The following FADS3 variants were observed in gnomAD, a reference collection of about 807,000 sequenced individuals.
FADS3 encodes fatty acid desaturase 3.
Under a neutral mutation model 60.4 loss-of-function variants are expected in FADS3, and 30 were observed. That is an observed-to-expected ratio of 0.50 (90% confidence interval 0.37 to 0.67). FADS3 has a LOEUF of 0.67. Ranked by LOEUF, FADS3 falls within the 30% of genes least tolerant of loss-of-function variation. FADS3 has a pLI of 0.00. For synonymous variants in FADS3, 234 were observed against 249.3 expected (o/e 0.94, Z 0.58); for missense variants, 432 against 598.3 (o/e 0.72, Z 2.90).
intron 11 of FADS3, 76 bp downstream of exon 11, chr11:61,875,775 T>A: frequency 6.4e-7 from 1 of 1,553,596 alleles, no homozygotes; most frequent in African/African-American, 1.4e-5. Flanking sequence ...GGGCTCAGCA[T>A]GAGGCTGACC....
At position 61,877,961 on chromosome 11, in the gene FADS3, C is replaced by G; in HGVS notation, c.808+194G>C. ...CCGTGGCTGCAAGGTGTCCCAGGCA[C>G]GGGAGACAGCTGGGGCAAAGGCATG... On this transcript the variant is annotated intron_variant, in intron 6 of 11. Transcript: ENST00000278829. The surrounding 1 kb of genome is among the most constrained non-coding windows in gnomAD (Gnocchi z 4.7). 1.6e-6 allele frequency: 1 copy of G among 625,940 alleles called. No homozygotes were observed. The allele number at this position is 625,940 out of a possible 1,614,324, so 38.8% of individuals were successfully genotyped here.
Position 61,877,825 on chromosome 11 carries a change from CT to C in FADS3, c.809-239del. 1.7e-6 allele frequency: 1 copy of C among 596,820 alleles called. No individual in the cohort carries two copies. The highest frequency in any genetic ancestry group is 3.0e-6 in the Non-Finnish European group (1 of 334,338). The allele number at this position is 596,820 out of a possible 1,614,324, so 37.0% of individuals were successfully genotyped here. On this transcript the variant is annotated intron_variant, in intron 6 of 11. Transcript: ENST00000278829. This position sits in a 1 kb window ranked among gnomAD's most constrained non-coding sequence, Gnocchi z 4.7. ...TCAGGGCCAGACTTGAGTCCTCACT[CT>C]GTCCGCCCCAACAACTGCCCAAAGA... is the stretch of plus-strand genomic sequence containing the variant.
chr11:61,888,664 G>A (rs904869809), intron 1 of FADS3, among the ~76,000 whole-genome samples: 1 of 152,158 alleles, frequency 6.6e-6, no homozygotes, highest in Non-Finnish European at 1.5e-5. Context: ...TGCAGGGCAC[G>A]CTCACACTTA....
At chr11:61,891,127 G>A (rs1938492945) in intron 1 of FADS3, 42 bp downstream of exon 1, 1 of 1,512,706 alleles carries the variant, frequency 6.6e-7, no homozygotes, top group Non-Finnish European at 9.0e-7. Flanking sequence ...CCGAGCTCCA[G>A]GCTCCACCCG....
intron 1 of FADS3, among the ~76,000 whole-genome samples, chr11:61,890,025 A>G (rs1938444120): frequency 6.6e-6 from 1 of 152,154 alleles, no homozygotes; most frequent in Non-Finnish European, 1.5e-5. Flanking sequence ...AAACACCTGC[A>G]CGCTCAAATA....
chr11:61,878,275 C>CCCGGGAG, intron 5 of FADS3, 60 bp from the exon 6 acceptor site: 1 of 1,566,212 alleles, frequency 6.4e-7, no homozygotes, highest in Non-Finnish European at 8.8e-7. Flanking sequence ...TTCTCCCGGG[C>CCCGGGAG]AAGGTCACGG....
In FADS3 at chr11:61,891,510, C is replaced by T; in HGVS notation, c.-129G>A. The stretch of plus-strand genomic sequence containing the variant: ...CTGCTCCGGCCCCGCCCTGCCGCCG[C>T]GGCCGCCGTACGAGCGAGCGTGCGC... On this transcript the variant is annotated 5_prime_UTR_variant, in exon 1 of 12. Transcript: ENST00000278829. 1.8e-6 allele frequency: 1 copy of T among 569,544 alleles called. No homozygotes were observed. The highest frequency in any genetic ancestry group is 2.5e-6 in the Non-Finnish European group (1 of 392,874). The allele number at this position is 569,544 out of a possible 1,614,324, so 35.3% of individuals were successfully genotyped here.
chr11:61,878,893 C>T (rs773525966), intron 3 of FADS3, 46 bp from the exon 4 acceptor site: 11 of 1,575,184 alleles, frequency 7.0e-6, no homozygotes, highest in Non-Finnish European at 5.2e-6. Context: ...GGACGGAGCC[C>T]GCCAGGGCCT....
rs370085951 is a variant in FADS3, at chr11:61,876,210, C to A, written c.1081-20G>T. 1.9e-6 allele frequency: 3 copies of A among 1,589,104 alleles called. No homozygotes were observed. Among genetic ancestry groups the A allele is most frequent in the South Asian group, 2.3e-5 (2 of 88,452 alleles). On this transcript the variant is annotated intron_variant, in intron 9 of 11. Transcript: ENST00000278829. The surrounding 1 kb of genome is among the most constrained non-coding windows in gnomAD (Gnocchi z 5.7). ...TGCCAGCTGCCGGAAGCCGGCGGGG[C>A]ACATGTGAGGAGGCCGTTGCAGATC...
chr11:61,884,633 G>A (rs1175267748), intron 1 of FADS3, among the ~76,000 whole-genome samples: 1 of 152,102 alleles, frequency 6.6e-6, no homozygotes, highest in African/African-American at 2.4e-5. Context: ...CTGGGGGGCA[G>A]GAAGGCGGTT....
chr11:61,881,307 C>T (rs1938122181), intron 1 of FADS3: 1 of 152,056 alleles, frequency 6.6e-6, no homozygotes, highest in Admixed American at 6.5e-5. Context: ...AAGATAAGGG[C>T]CAGGGAAAGA....
intron 1 of FADS3, chr11:61,880,861 G>C (rs575708876): frequency 1.3e-5 from 2 of 152,168 alleles, no homozygotes; most frequent in African/African-American, 4.8e-5. Flanking sequence ...GCAATTCTCC[G>C]GTCTCAGCCT....
intron 4 of FADS3, 46 bp from the exon 5 acceptor site, chr11:61,878,680 G>A: frequency 5.0e-6 from 8 of 1,612,752 alleles, no homozygotes; most frequent in Non-Finnish European, 6.8e-6. Flanking sequence ...GCCCCCGACT[G>A]TGCCCACACA....
Position 61,877,917 on chromosome 11 carries a change from C to CA in FADS3, c.808+237_808+238insT. ...TTCTACGTGGGGCTTGGGGAAGCTC[C>CA]CAGCAGGGCTGTGATGGCCCGTGGC... is the stretch of plus-strand genomic sequence containing the variant. On this transcript the variant is annotated intron_variant, in intron 6 of 11. Transcript: ENST00000278829. The surrounding 1 kb of genome is among the most constrained non-coding windows in gnomAD (Gnocchi z 4.7). 2 of 598,494 alleles carry CA rather than the reference C, an allele frequency of 3.3e-6. No homozygotes were observed. The highest frequency in any genetic ancestry group is 4.0e-5 in the South Asian group (2 of 50,062). 37.1% of individuals were successfully genotyped at this position (598,494 alleles called of 1,614,324 possible).
intron 1 of FADS3, chr11:61,881,246 A>C (rs1565346422): frequency 6.6e-6 from 1 of 152,164 alleles, no homozygotes; most frequent in Non-Finnish European, 1.5e-5. Flanking sequence ...GATGCAGGAG[A>C]AGGAAGAAAG....
At chr11:61,886,650 AC>A (rs1938330873) in intron 1 of FADS3, among the ~76,000 whole-genome samples, 1 of 151,672 alleles carries the variant, frequency 6.6e-6, no homozygotes, top group Non-Finnish European at 1.5e-5. Flanking sequence ...CAAAGGCCCT[AC>A]CCTTCAAGGG....
intron 1 of FADS3, among the ~76,000 whole-genome samples, chr11:61,889,968 G>A (rs779969651): frequency 5.3e-5 from 8 of 152,122 alleles, no homozygotes; most frequent in Non-Finnish European, 7.4e-5. Context: ...ACCTCGCCAC[G>A]CCCTGGCAGA....
chr11:61,878,287 G>C (rs768334070), intron 5 of FADS3, 72 bp from the exon 6 acceptor site: 1 of 1,514,218 alleles, frequency 6.6e-7, no homozygotes, highest in African/African-American at 1.4e-5. Context: ...AGGTCACGGG[G>C]CTGGCTGGGG....
At chr11:61,880,397 T>TC (rs1227559620) in intron 1 of FADS3, 1 of 342,952 alleles carries the variant, frequency 2.9e-6, no homozygotes, top group African/African-American at 2.1e-5. Context: ...CAAGGGCCCC[T>TC]CTCTGAACAC....
Sources: allele counts gnomAD v4.1 joint callset (sites outside exome capture counted in the v4.1 genomes callset), GRCh38; gene constraint gnomAD v4.1.1; non-coding constraint Gnocchi (gnomAD v3.1); transcripts MANE v1.5; gene names NCBI Gene and HGNC (gene_info 2026-07-23, HGNC 2026-07-21).